The following RHOBTB1 variants were observed in gnomAD, a reference collection of about 807,000 sequenced individuals.
RHOBTB1 encodes rho-related BTB domain-containing protein 1.
Under a neutral mutation model 71.6 loss-of-function variants are expected in RHOBTB1, and 40 were observed. The ratio of observed to expected loss-of-function variants is 0.56; its 90% CI spans 0.43 to 0.73. RHOBTB1 has a LOEUF of 0.73. Among genes scored for constraint, RHOBTB1 ranks in the 30% least tolerant of loss-of-function variants. The pLI is 0.00. For missense variants in RHOBTB1, 797 were observed against 894.0 expected (o/e 0.89, Z 1.38); for synonymous variants, 319 against 334.9 (o/e 0.95, Z 0.52).
At chr10:60,989,510 C>T (rs1010494666) in intron 1 of RHOBTB1, among the ~76,000 whole-genome samples, 13 of 152,076 alleles carry the variant, frequency 8.5e-5, no homozygotes, top group Non-Finnish European at 1.2e-4. Context: ...TCCAGTTGCC[C>T]GCTAATCTCT....
chr10:60,982,715 G>A (rs750451468), intron 2 of RHOBTB1, among the ~76,000 whole-genome samples: 1 of 152,154 alleles, frequency 6.6e-6, no homozygotes, highest in Non-Finnish European at 1.5e-5. Flanking sequence ...GATACTGTTA[G>A]ACTAATATTA....
Position 60,871,556 on chromosome 10 carries a change from C to T in RHOBTB1, c.2017G>A (p.Glu673Lys). The change falls in exon 11 of 11, where the codon GAA becomes AAA. Residue 673 changes from glutamate to lysine, a missense_variant. Physicochemically the swap from Glu to Lys is moderately conservative, Grantham distance 56. This residue lies in a region of RHOBTB1 where 658 missense variants were observed against 681.5 expected (regional missense o/e 0.97). Coordinates refer to ENST00000337910, the MANE Select transcript of RHOBTB1 (RefSeq NM_014836.5). Reference protein sequence around the residue: ...YQRVKREREKEDIALNKHRSR... With the variant: ...YQRVKREREKKDIALNKHRSR... ...CGATGCTTATTTAGTGCAATATCTT[C>T]CTTCTCTCGTTCCCTTTTCACACGC... 6.2e-7 allele frequency: 1 copy of T among 1,614,106 alleles called. No homozygotes were observed. The highest frequency in any genetic ancestry group is 8.5e-7 in the Non-Finnish European group (1 of 1,179,994).
chr10:60,975,064 C>A (rs2086272782), intron 2 of RHOBTB1, among the ~76,000 whole-genome samples: 1 of 151,926 alleles, frequency 6.6e-6, no homozygotes, highest in African/African-American at 2.4e-5. Context: ...TAGCAGCATG[C>A]CAATATACTA....
intron 9 of RHOBTB1, among the ~76,000 whole-genome samples, chr10:60,873,490 A>G (rs1007705366): frequency 6.6e-6 from 1 of 152,226 alleles, no homozygotes; most frequent in African/African-American, 2.4e-5. Flanking sequence ...AGGGCTTAGC[A>G]ATAATCATAT....
At chr10:60,931,108 C>T (rs940449826) in intron 2 of RHOBTB1, among the ~76,000 whole-genome samples, 6 of 152,100 alleles carry the variant, frequency 3.9e-5, no homozygotes, top group African/African-American at 1.4e-4. Flanking sequence ...ATAACTTGTT[C>T]CTGCCATTTT....
chr10:60,951,090 C>A (rs2085394071), intron 2 of RHOBTB1, among the ~76,000 whole-genome samples: 1 of 152,200 alleles, frequency 6.6e-6, no homozygotes, highest in African/African-American at 2.4e-5. Flanking sequence ...TCACATTTTC[C>A]TGCATACCAA....
intron 5 of RHOBTB1, among the ~76,000 whole-genome samples, chr10:60,890,147 C>G (rs190734297): frequency 6.6e-6 from 1 of 152,266 alleles, no homozygotes; most frequent in African/African-American, 2.4e-5. Flanking sequence ...TTTCCCACTT[C>G]TAGTTAAATG....
chr10:60,938,777 G>A lies in RHOBTB1; in HGVS notation c.-11+3027C>T, dbSNP rs1317014903. On this transcript the variant is annotated intron_variant, in intron 2 of 10. Coordinates refer to ENST00000337910, the MANE Select transcript of RHOBTB1 (RefSeq NM_014836.5). ...ATATATATTCAAGTTCTTAGACAGC[G>A]TTGGGTGCAAATCCAAGCTCTGTTT... Among the ~76,000 whole-genome samples the A allele has an allele frequency of 4.6e-5, 7 of 152,202 alleles. No homozygotes were observed. The East Asian group carries it at 5.8e-4, about 13-fold the overall frequency.
intron 5 of RHOBTB1, among the ~76,000 whole-genome samples, chr10:60,890,616 C>A (rs1460544432): frequency 6.6e-6 from 1 of 152,180 alleles, no homozygotes; most frequent in Non-Finnish European, 1.5e-5. Context: ...GATTCTAACA[C>A]ACACCCTTAG....
intron 2 of RHOBTB1, among the ~76,000 whole-genome samples, chr10:60,955,051 T>TTTTTG (rs1422958790): frequency 2.7e-5 from 4 of 148,254 alleles, no homozygotes; most frequent in Admixed American, 2.0e-4. Flanking sequence ...TTCTTTTTTT[T>TTTTTG]TTTTTTTTTT....
At chr10:60,983,055 G>C (rs1323103468) in intron 2 of RHOBTB1, among the ~76,000 whole-genome samples, 1 of 151,988 alleles carries the variant, frequency 6.6e-6, no homozygotes, top group African/African-American at 2.4e-5. Context: ...AGTGCTAGAT[G>C]GTCTATTCTC....
rs959589560 is a variant in RHOBTB1, at chr10:60,941,812, C to A, written c.-19G>T. On this transcript the variant is annotated 5_prime_UTR_variant, in exon 2 of 11. Coordinates refer to ENST00000337910, the MANE Select transcript of RHOBTB1 (RefSeq NM_014836.5). ...TGCACAAAGACACTGACCTGGCTTG[C>A]TGGAAGTGAAGAACAGAACACTCTG... is the stretch of plus-strand genomic sequence containing the variant. 1.3e-5 allele frequency: 2 copies of A among 152,478 alleles called. No homozygotes were observed. The highest frequency in any genetic ancestry group is 4.8e-5 in the African/African-American group (2 of 41,402). 9.4% of individuals were successfully genotyped at this position (152,478 alleles called of 1,614,324 possible).
intron 6 of RHOBTB1, among the ~76,000 whole-genome samples, chr10:60,887,740 T>G (rs965709464): frequency 1.3e-5 from 2 of 152,228 alleles, no homozygotes; most frequent in African/African-American, 4.8e-5. Context: ...TTGAGATCAC[T>G]GATTTTTGTC....
At chr10:60,928,731 G>C (rs2084046181) in intron 2 of RHOBTB1, among the ~76,000 whole-genome samples, 1 of 152,172 alleles carries the variant, frequency 6.6e-6, no homozygotes, top group South Asian at 2.1e-4. Context: ...GGCAACTATA[G>C]TAAATTAACA....
chr10:60,979,380 T>C (rs913261057), intron 2 of RHOBTB1, among the ~76,000 whole-genome samples: 5 of 152,126 alleles, frequency 3.3e-5, no homozygotes, highest in Non-Finnish European at 7.4e-5. Flanking sequence ...AGTTTATCAA[T>C]GGTCAAAAAG....
intron 7 of RHOBTB1, among the ~76,000 whole-genome samples, chr10:60,878,953 T>A (rs10994557): frequency 0.06 from 9,070 of 152,324 alleles, 338 homozygotes; most frequent in Non-Finnish European, 0.069. Context: ...TTTGGAACAT[T>A]GACAATTATA....
chr10:60,871,432 G>T lies in RHOBTB1; in HGVS notation c.*50C>A. The T allele has an allele frequency of 6.4e-7, 1 of 1,572,168 alleles. No homozygotes were observed. Among genetic ancestry groups the T allele is most frequent in the Non-Finnish European group, 8.7e-7 (1 of 1,152,514 alleles). On this transcript the variant is annotated 3_prime_UTR_variant, in exon 11 of 11. Coordinates refer to ENST00000337910, the MANE Select transcript of RHOBTB1 (RefSeq NM_014836.5). ...TTATAGTAGTGCTTTGAAAAGTGGT[G>T]GATCAGATTACCGATTGGTTTCTGT...
intron 2 of RHOBTB1, among the ~76,000 whole-genome samples, chr10:60,957,386 C>T (rs1175485826): frequency 1.3e-5 from 2 of 152,186 alleles, no homozygotes; most frequent in African/African-American, 4.8e-5. Context: ...TGTAATGTCA[C>T]TAGGCAATAA....
upstream of RHOBTB1, among the ~76,000 whole-genome samples, chr10:61,001,615 G>A (rs1475617334): frequency 2.0e-5 from 3 of 151,942 alleles, 1 homozygote; most frequent in East Asian, 5.9e-4. Context: ...TGCGGGGCGG[G>A]GACCACGGGT....
Sources: allele counts gnomAD v4.1 joint callset (sites outside exome capture counted in the v4.1 genomes callset), GRCh38; gene constraint gnomAD v4.1.1; regional missense constraint gnomAD v4.1.1; transcripts MANE v1.5; gene names NCBI Gene and HGNC (gene_info 2026-07-23, HGNC 2026-07-21).